Variants in ERI1 observed in about 807,000 individuals in gnomAD.
ERI1 encodes 3'-5' exoribonuclease 1.
A neutral mutation model predicts 39.7 loss-of-function variants in ERI1; 39 were observed. The ratio of observed to expected loss-of-function variants is 0.98; its 90% confidence interval spans 0.76 to 1.28. ERI1 has a LOEUF of 1.28. ERI1 is among the 50% of genes most tolerant of loss of function. The probability of loss-of-function intolerance (pLI) is 0.00; values close to 1 mark genes in which losing one functional copy is unlikely to be tolerated. For synonymous variants in ERI1, 204 were observed against 149.6 expected (o/e 1.36, Z -2.65); for missense variants, 581 against 416.9 (o/e 1.39, Z -3.43).
intron 3 of ERI1, among the ~76,000 whole-genome samples, chr8:9,076,582 T>C (rs1209895292): frequency 6.6e-6 from 1 of 152,230 alleles, no homozygotes; most frequent in Non-Finnish European, 1.5e-5. Flanking sequence ...AAGTTCTTAT[T>C]GGCCCATCAA....
chr8:9,084,194 G>A lies in ERI1; in HGVS notation n.300-32154G>A, dbSNP rs1299981339. Among the ~76,000 whole-genome samples, 7 of 152,210 alleles carry A rather than the reference G, an allele frequency of 4.6e-5. No individual in the cohort carries two copies. The East Asian group carries it at 1.2e-3, about 25-fold the overall frequency. Reference sequence around the variant, plus strand: ...GGAGGATCACCTGAGCCTAGGAGTCGGAGGTTGCAGCAGTGAGCTTTCGTG... The same window carrying A: ...GGAGGATCACCTGAGCCTAGGAGTCAGAGGTTGCAGCAGTGAGCTTTCGTG... On this transcript the variant is annotated intron_variant and non_coding_transcript_variant, in intron 3 of 3. Transcript: ENST00000518663.
intron 2 of ERI1, 119 bp from the exon 3 acceptor site, chr8:9,011,423 C>T (rs771471573): frequency 5.7e-6 from 3 of 528,262 alleles, no homozygotes; most frequent in Non-Finnish European, 9.9e-6. Context: ...TTTATTTTAG[C>T]TAGCATTTGC....
At chr8:9,035,736 A>G (rs1797822661), downstream of ERI1, among the ~76,000 whole-genome samples, 1 of 152,240 alleles carries the variant, frequency 6.6e-6, no homozygotes, top group East Asian at 1.9e-4. Flanking sequence ...TTACTATTTA[A>G]TAAATACATT....
Position 9,031,784 on chromosome 8 carries a change from G to C in ERI1, c.*1750G>C, listed in dbSNP as rs1395599250. ...TGTTGTTGTTGTTGTTTGAGACAGAGTTTTTGCTCGTCTGCCAGGATGGAG... is the reference window on the plus strand; with the variant it reads ...TGTTGTTGTTGTTGTTTGAGACAGACTTTTTGCTCGTCTGCCAGGATGGAG... On this transcript the variant is annotated 3_prime_UTR_variant, in exon 7 of 7. Transcript: ENST00000250263. 2 of 152,218 alleles carry C rather than the reference G, an allele frequency of 1.3e-5. No homozygotes were observed. Among genetic ancestry groups the C allele is most frequent in the Non-Finnish European group, 2.9e-5 (2 of 68,052 alleles). The allele number at this position is 152,218 out of a possible 1,614,324, so 9.4% of individuals were successfully genotyped here.
chr8:9,051,668 AAAG>A (rs1798360583), intron 3 of ERI1, among the ~76,000 whole-genome samples: 1 of 151,766 alleles, frequency 6.6e-6, no homozygotes, highest in African/African-American at 2.4e-5. Context: ...AAAAAAAAAA[AAAG>A]AAGCACGACT....
At chr8:9,065,291 G>A (rs1420618851) in intron 3 of ERI1, among the ~76,000 whole-genome samples, 1 of 152,112 alleles carries the variant, frequency 6.6e-6, no homozygotes, top group Non-Finnish European at 1.5e-5. Flanking sequence ...TTTCTACGAG[G>A]TTTCTTTTGT....
In ERI1 at chr8:9,097,034, G is replaced by T. The variant is rs1799898359; in HGVS notation, n.300-19314G>T. Among the ~76,000 whole-genome samples the T allele has an allele frequency of 2.0e-5, 3 of 151,630 alleles. No individual in the cohort carries two copies. In the South Asian group the frequency reaches 6.2e-4, roughly 31 times the overall value. On this transcript the variant is annotated intron_variant and non_coding_transcript_variant, in intron 3 of 3. Transcript: ENST00000518663. ...CACCTTTCCTACCCAGGTCCCAAAC[G>T]AACCCATTCCCTCTCTGCCTTTACT...
chr8:9,086,674 T>C (rs1199540650), intron 3 of ERI1, among the ~76,000 whole-genome samples: 1 of 152,210 alleles, frequency 6.6e-6, no homozygotes, highest in African/African-American at 2.4e-5. Context: ...TTCAGCACTG[T>C]TTATAACAGT....
At chr8:9,029,689 G>C in intron 6 of ERI1, 103 bp from the exon 7 acceptor site, 5 of 1,367,040 alleles carry the variant, frequency 3.7e-6, no homozygotes, top group Non-Finnish European at 5.1e-6. Context: ...GCTTTATTTA[G>C]CTGTTAGTGC....
At chr8:9,069,255 T>C (rs1367141634) in intron 3 of ERI1, among the ~76,000 whole-genome samples, 1 of 152,266 alleles carries the variant, frequency 6.6e-6, no homozygotes, top group East Asian at 1.9e-4. Flanking sequence ...ATCTTTTCAC[T>C]TGAATCCTCT....
At chr8:9,011,804 G>T in intron 3 of ERI1, 52 bp downstream of exon 3, 1 of 1,382,294 alleles carries the variant, frequency 7.2e-7, no homozygotes, top group Non-Finnish European at 9.9e-7. Flanking sequence ...CTATTCTGGT[G>T]TTTACTGGTT....
intron 3 of ERI1, among the ~76,000 whole-genome samples, chr8:9,063,464 G>GA (rs1401822843): frequency 6.6e-6 from 1 of 152,186 alleles, no homozygotes; most frequent in African/African-American, 2.4e-5. Context: ...GTGATAAAAG[G>GA]ATTATAGGGT....
chr8:9,099,984 G>A (rs1439007484), intron 3 of ERI1: 1 of 152,244 alleles, frequency 6.6e-6, no homozygotes, highest in African/African-American at 2.4e-5. Context: ...TGGTAAAGAT[G>A]AAAAATTGTA....
chr8:9,073,901 A>G (rs1225145973), intron 3 of ERI1, among the ~76,000 whole-genome samples: 3 of 152,162 alleles, frequency 2.0e-5, no homozygotes, highest in Non-Finnish European at 2.9e-5. Flanking sequence ...CTTATAAAAG[A>G]CTAAGTAAAC....
intron 3 of ERI1, among the ~76,000 whole-genome samples, chr8:9,080,625 A>G (rs1027840740): frequency 6.6e-5 from 10 of 152,282 alleles, no homozygotes; most frequent in African/African-American, 1.9e-4. Context: ...CCACCTTGCT[A>G]TTGCCTTATT....
chr8:9,092,449 A>G (rs1799737837), intron 3 of ERI1, among the ~76,000 whole-genome samples: 1 of 152,222 alleles, frequency 6.6e-6, no homozygotes, highest in Non-Finnish European at 1.5e-5. Flanking sequence ...TATCTTGTTT[A>G]TAGCCACAAA....
In ERI1 at chr8:9,008,260, C is replaced by A; in HGVS notation, c.287+112C>A. The A allele has an allele frequency of 2.1e-6, 2 of 949,516 alleles. 1 individual carries two copies. Among genetic ancestry groups the A allele is most frequent in the South Asian group, 4.4e-5 (2 of 45,436 alleles). The allele number at this position is 949,516 out of a possible 1,614,324, so 58.8% of individuals were successfully genotyped here. ...TGTAATCCTACCGTAATGACATGAT[C>A]CTATTAACAGTTCACAAAAACTAAT... is the stretch of plus-strand genomic sequence containing the variant. On this transcript the variant is annotated intron_variant, in intron 2 of 6. Transcript: ENST00000250263.
At chr8:9,096,509 A>G (rs1321929967) in intron 3 of ERI1, among the ~76,000 whole-genome samples, 5 of 152,082 alleles carry the variant, frequency 3.3e-5, no homozygotes, top group South Asian at 2.1e-4. Flanking sequence ...AACTTGGACA[A>G]CGTCACTGCT....
chr8:9,078,056 C>G (rs1009792618), intron 3 of ERI1, among the ~76,000 whole-genome samples: 4 of 152,156 alleles, frequency 2.6e-5, no homozygotes, highest in Non-Finnish European at 5.9e-5. Context: ...GTGGAGTGAT[C>G]TCGGCTCACT....
Sources: allele counts gnomAD v4.1 joint callset (sites outside exome capture counted in the v4.1 genomes callset), GRCh38; gene constraint gnomAD v4.1.1; transcripts MANE v1.5; gene names NCBI Gene and HGNC (gene_info 2026-07-23, HGNC 2026-07-21).